The following MSN variants were observed in gnomAD, a reference collection of about 807,000 sequenced individuals.
The protein encoded by MSN is epididymis luminal protein 70.
MSN carries 2 observed loss-of-function variants against 48.0 expected under a neutral mutation model. The ratio of observed to expected loss-of-function variants is 0.04; its 90% CI spans 0.02 to 0.13. The LOEUF (loss-of-function observed/expected upper bound fraction) is 0.13. Ranked by LOEUF, MSN falls within the 10% of genes least tolerant of loss-of-function variation. The pLI is 1.00. For synonymous variants in MSN, 146 were observed against 166.9 expected (o/e 0.87, Z 0.97); for missense variants, 267 against 470.1 (o/e 0.57, Z 3.99).
intron 1 of MSN, among the ~76,000 whole-genome samples, chrX:65,642,792 G>A (rs1157541709): frequency 1.8e-5 from 2 of 111,144 alleles, no homozygotes; most frequent in Non-Finnish European, 3.8e-5. Flanking sequence ...TTCTTTTCTA[G>A]TTTTTGAGAG....
At chrX:65,618,107 G>A (rs1376833394) in intron 1 of MSN, among the ~76,000 whole-genome samples, 1 of 111,795 alleles carries the variant, frequency 8.9e-6, no homozygotes, top group Non-Finnish European at 1.9e-5. Context: ...TACATTTGCT[G>A]AGGATTTCTT....
intron 6 of MSN, 109 bp from the exon 7 acceptor site, chrX:65,733,075 A>T: frequency 4.0e-6 from 2 of 501,757 alleles, no homozygotes; most frequent in Non-Finnish European, 6.6e-6. Flanking sequence ...AAAAAAAAAG[A>T]GAGAGAGAGA....
At chrX:65,589,548 T>A (rs113985156) in intron 1 of MSN, 2 of 112,459 alleles carry the variant, frequency 1.8e-5, no homozygotes, top group African/African-American at 6.5e-5. Context: ...ACATCACTTC[T>A]GTGGATCTCA....
At chrX:65,650,129 C>T (rs1438165177) in intron 1 of MSN, among the ~76,000 whole-genome samples, 2 of 99,590 alleles carry the variant, frequency 2.0e-5, no homozygotes, top group Non-Finnish European at 4.0e-5. Flanking sequence ...GTACTGCAAC[C>T]TCCCCCTCCT....
upstream of MSN, among the ~76,000 whole-genome samples, chrX:65,666,039 G>A (rs1490619176): frequency 8.9e-6 from 1 of 111,888 alleles, no homozygotes; most frequent in Non-Finnish European, 1.9e-5. Flanking sequence ...TGGAGACGGA[G>A]TCTTGTGCTA....
At chrX:65,634,227 G>C (rs866453122) in intron 1 of MSN, among the ~76,000 whole-genome samples, 2 of 112,438 alleles carry the variant, frequency 1.8e-5, no homozygotes, top group South Asian at 3.7e-4. Flanking sequence ...CCAGAGCCAT[G>C]GTGGCAGGGC....
At chrX:65,689,110 G>C (rs1385922032) in intron 1 of MSN, among the ~76,000 whole-genome samples, 5 of 111,725 alleles carry the variant, frequency 4.5e-5, no homozygotes, top group Non-Finnish European at 9.4e-5. Flanking sequence ...GGGCCTTGCT[G>C]TTAGCTTTCC....
intron 1 of MSN, among the ~76,000 whole-genome samples, chrX:65,605,537 A>T (rs1347034931): frequency 8.9e-6 from 1 of 112,153 alleles, no homozygotes; most frequent in Non-Finnish European, 1.9e-5. Flanking sequence ...GAATCTTTGT[A>T]AAACATAGAT....
upstream of MSN, among the ~76,000 whole-genome samples, chrX:65,665,059 C>A (rs1304623909): frequency 1.8e-5 from 2 of 110,870 alleles, no homozygotes; most frequent in African/African-American, 6.6e-5. Context: ...CCTTGTTTCC[C>A]TTTTAGTAGT....
chrX:65,589,866 CTTTT>C (rs34344599), intron 1 of MSN: 1 of 81,339 alleles, frequency 1.2e-5, no homozygotes, highest in Non-Finnish European at 2.0e-5. Context: ...TTCTTTCTTT[CTTTT>C]TTTTTTTTTT....
rs1013980830 is a variant in MSN, at chrX:65,618,378, A to C, written c.-22+29766A>C. Among the ~76,000 whole-genome samples, 215 of 111,323 alleles carry C rather than the reference A, an allele frequency of 1.9e-3. 1 individual carries two copies. The highest frequency in any genetic ancestry group is 6.6e-3 in the African/African-American group (203 of 30,568). On this transcript the variant is annotated intron_variant, in intron 1 of 3. Coordinates refer to the MSN transcript ENST00000609672. ...TAGGTCACTCAGGACTTGCTTTATG[A>C]ATCTTGGTGCTCATGTATTGGGTGC...
chrX:65,683,248 G>A (rs913724319), intron 1 of MSN, among the ~76,000 whole-genome samples: 1 of 111,780 alleles, frequency 8.9e-6, no homozygotes, highest in East Asian at 2.8e-4. Flanking sequence ...GTGCACCTGA[G>A]GTTTAGGGAT....
intron 1 of MSN, among the ~76,000 whole-genome samples, chrX:65,618,737 T>G (rs2070401975): frequency 9.1e-6 from 1 of 110,351 alleles, no homozygotes; most frequent in African/African-American, 3.3e-5. Context: ...TGTGTGAATT[T>G]GATCCTGTCA....
intron 1 of MSN, among the ~76,000 whole-genome samples, chrX:65,684,500 G>A (rs1277426253): frequency 4.7e-5 from 5 of 107,127 alleles, no homozygotes; most frequent in East Asian, 2.9e-4. Flanking sequence ...GTGCAATGGC[G>A]CGATCTCGGC....
At chrX:65,597,801 C>T (rs1013359072) in intron 1 of MSN, among the ~76,000 whole-genome samples, 11 of 112,274 alleles carry the variant, frequency 9.8e-5, no homozygotes, top group African/African-American at 3.2e-4. Context: ...TCAGTTTTCA[C>T]ATCTGCAAAA....
chrX:65,729,658 A>G lies in MSN; in HGVS notation c.413A>G (p.Asn138Ser), dbSNP rs753331094. Residue 138 changes from asparagine to serine, a missense_variant, in exon 4 of 13, where the codon AAT becomes AGT. Asn to Ser is a conservative substitution (Grantham distance 46). This residue lies in a region of MSN where 89 missense variants were observed against 151.0 expected (regional missense o/e 0.59). Coordinates refer to ENST00000360270, the MANE Select transcript of MSN (RefSeq NM_002444.3). ...GTCCAGTCTAAGTATGGCGACTTCA[A>G]TAAGGAAGTGCATAAGTCTGGCTAC... Reference protein sequence around the residue: ...YAVQSKYGDFNKEVHKSGYLA... With the variant: ...YAVQSKYGDFSKEVHKSGYLA... 39 of 1,210,132 alleles carry G rather than the reference A, an allele frequency of 3.2e-5. No homozygotes were observed. Among genetic ancestry groups the G allele is most frequent in the African/African-American group, 1.9e-4 (11 of 57,294 alleles).
At chrX:65,716,645 G>A in intron 1 of MSN, 173 bp from the exon 2 acceptor site, 2 of 460,485 alleles carry the variant, frequency 4.3e-6, no homozygotes, top group Middle Eastern at 3.4e-4. Flanking sequence ...AAGCTGCTTG[G>A]GAGCAGGGGT....
At chrX:65,628,702 T>A (rs1254665237) in intron 1 of MSN, among the ~76,000 whole-genome samples, 1 of 111,211 alleles carries the variant, frequency 9.0e-6, no homozygotes, top group East Asian at 2.8e-4. Flanking sequence ...TTAAAAAAAA[T>A]GTTTTTTTTT....
At chrX:65,641,340 G>A (rs1013244334) in intron 1 of MSN, among the ~76,000 whole-genome samples, 2 of 102,768 alleles carry the variant, frequency 1.9e-5, no homozygotes, top group East Asian at 3.1e-4. Flanking sequence ...GACCAGCGTG[G>A]CAAACATGGC....
Sources: gnomAD v4.1 joint callset for allele counts (sites outside exome capture counted in the v4.1 genomes callset) on GRCh38, gnomAD v4.1.1 for gene constraint, gnomAD v4.1.1 regional missense constraint, MANE v1.5 for transcripts, NCBI Gene and HGNC (gene_info 2026-07-23, HGNC 2026-07-21) for gene names.